The following SBNO2 variants were observed in gnomAD, a reference collection of about 807,000 sequenced individuals.
The protein encoded by SBNO2 is strawberry notch homolog 2.
SBNO2 carries 89 observed loss-of-function variants against 146.3 expected under a neutral mutation model. The observed-to-expected ratio is 0.61, with a 90% confidence interval of 0.51 to 0.73. SBNO2 has a LOEUF of 0.73. SBNO2 is among the 30% of genes least tolerant of loss of function. SBNO2 has a pLI of 0.00. For missense variants in SBNO2, 2,092 were observed against 2,003.7 expected, an observed-to-expected ratio of 1.04 and a Z score of -0.84; for synonymous variants, 1,147 against 892.6, an observed-to-expected ratio of 1.29 and a Z score of -5.08.
At chr19:1,118,899 C>T (rs1451751020) in intron 14 of SBNO2, 112 bp downstream of exon 14, 1 of 1,123,558 alleles carries the variant, frequency 8.9e-7, no homozygotes, top group Admixed American at 2.6e-5. Flanking sequence ...AACCCCAGGA[C>T]AGGACAGGGC....
intron 4 of SBNO2, among the ~76,000 whole-genome samples, chr19:1,138,577 G>A (rs79035493): frequency 0.01 from 1,558 of 152,170 alleles, 19 homozygotes; most frequent in African/African-American, 0.036. Flanking sequence ...TGCTCACGGC[G>A]GCACAACTCA....
intron 1 of SBNO2, chr19:1,168,941 A>G (rs2080451568): frequency 6.6e-6 from 1 of 152,260 alleles, no homozygotes; most frequent in Admixed American, 6.5e-5. Flanking sequence ...AGGAAACGCG[A>G]GTGAGCCGCC....
rs759537901 is a variant in SBNO2 at position 1,108,956 on chromosome 19, G to A, written c.3439C>T (p.Arg1147Trp). The change falls in exon 31 of 32, where the codon CGG (arginine) becomes TGG (tryptophan). Residue 1147 changes from arginine to tryptophan, a missense_variant. Physicochemically the swap from Arg to Trp is moderately radical, Grantham distance 101. Transcript: ENST00000361757. ...CAGTCCTTACCCTCCTGCGCCAGCCGGCAGTGCCGGTTCCTGCGGACGAGA... is the reference window on the plus strand; with the variant it reads ...CAGTCCTTACCCTCCTGCGCCAGCCAGCAGTGCCGGTTCCTGCGGACGAGA... ...CSHSAWNRHC[R>W]LAQEGKDCLQ... The A allele has an allele frequency of 6.5e-6, 10 of 1,541,996 alleles. No individual in the cohort carries two copies. Among genetic ancestry groups the A allele is most frequent in the Non-Finnish European group, 8.7e-6 (10 of 1,150,214 alleles).
rs957715244 is a variant in SBNO2 at position 1,157,797 on chromosome 19, G to A, written c.-126-3395C>T. Among the ~76,000 whole-genome samples the A allele has an allele frequency of 6.6e-6, 1 of 150,884 alleles. No homozygotes were observed. Among genetic ancestry groups the A allele is most frequent in the Non-Finnish European group, 1.5e-5 (1 of 67,976 alleles). On this transcript the variant is annotated intron_variant, in intron 1 of 31. Transcript: ENST00000361757. This position sits in a 1 kb window ranked among gnomAD's most constrained non-coding sequence, Gnocchi z 6.8. ...AGAATCCGAGGAACCGGGTAACTGT[G>A]TCCGCCTCCCAGCTCTCTCCTGAGT...
rs1323658952 is a variant in SBNO2 at position 1,117,208 on chromosome 19, C to T, written c.1704+115G>A. 1.3e-5 allele frequency: 14 copies of T among 1,105,844 alleles called. No homozygotes were observed. In the Admixed American group the frequency reaches 2.2e-4, roughly 18 times the overall value. 68.5% of individuals were successfully genotyped at this position (1,105,844 alleles called of 1,614,324 possible). On this transcript the variant is annotated intron_variant, in intron 15 of 31. Transcript: ENST00000361757. ...GGACATCCGGGCGTCTCTCACCCAC[C>T]AGGGTGCAGCCCCCGCCCACGTCTG...
chr19:1,115,733 G>T, intron 17 of SBNO2: 1 of 523,822 alleles, frequency 1.9e-6, no homozygotes, highest in East Asian at 3.5e-5. Context: ...GAAGGTGGGA[G>T]GGGTCTCGCT....
chr19:1,143,432 G>A (rs191512697), intron 4 of SBNO2, among the ~76,000 whole-genome samples: 183 of 152,218 alleles, frequency 1.2e-3, no homozygotes, highest in African/African-American at 4.1e-3. Flanking sequence ...AGATTGCACC[G>A]CTGCACTCCA....
chr19:1,110,535 C>A lies in SBNO2; in HGVS notation c.3028+210G>T, dbSNP rs954026088. Among the ~76,000 whole-genome samples, 1 of 150,398 alleles carries A rather than the reference C, an allele frequency of 6.6e-6. No individual in the cohort carries two copies. Among genetic ancestry groups the A allele is most frequent in the South Asian group, 2.1e-4 (1 of 4,740 alleles). On this transcript the variant is annotated intron_variant, in intron 26 of 31. Coordinates refer to ENST00000361757, the MANE Select transcript of SBNO2 (RefSeq NM_014963.3). This position sits in a 1 kb window ranked among gnomAD's most constrained non-coding sequence, Gnocchi z 4.9. ...CCTCGCCGTGCTCACCCACAATGCA[C>A]GGTGTTCCCACGAGCCCCGAGCCCA...
At chr19:1,115,155 C>T (rs960197939) in intron 17 of SBNO2, among the ~76,000 whole-genome samples, 22 of 152,102 alleles carry the variant, frequency 1.4e-4, no homozygotes, top group Admixed American at 3.9e-4. Flanking sequence ...GTCTCAAACT[C>T]CTGGCCTCAG....
intron 4 of SBNO2, chr19:1,131,994 G>A: frequency 1.1e-6 from 1 of 896,108 alleles, no homozygotes; most frequent in Admixed American, 3.6e-5. Context: ...TGAGATGCCG[G>A]CTGCTCCGGC....
chr19:1,109,070 C>A lies in SBNO2; in HGVS notation c.3425+65G>T. 2 of 1,528,644 alleles carry A rather than the reference C, an allele frequency of 1.3e-6. No homozygotes were observed. Among genetic ancestry groups the A allele is most frequent in the Non-Finnish European group, 1.8e-6 (2 of 1,137,444 alleles). 94.7% of individuals were successfully genotyped at this position (1,528,644 alleles called of 1,614,324 possible). ...CCGCCTCCTCTCAGGGTCTCGGGAG[C>A]CCCCGATCCCCGCCTGGGTCGCCGC... is the stretch of plus-strand genomic sequence containing the variant. On this transcript the variant is annotated intron_variant, in intron 30 of 31. Transcript: ENST00000361757. This position sits in a 1 kb window ranked among gnomAD's most constrained non-coding sequence, Gnocchi z 4.2.
intron 8 of SBNO2, 24 bp from the exon 9 acceptor site, chr19:1,122,815 G>C: frequency 6.5e-7 from 1 of 1,538,000 alleles, no homozygotes; most frequent in Non-Finnish European, 8.7e-7. Flanking sequence ...GCAGGCGTCA[G>C]GGCCTGGGGG....
chr19:1,149,252 T>C, intron 3 of SBNO2, 117 bp downstream of exon 3: 1 of 950,926 alleles, frequency 1.1e-6, no homozygotes, highest in Non-Finnish European at 1.6e-6. Flanking sequence ...CACACCACCC[T>C]CCAAACCCCT....
Position 1,110,600 on chromosome 19 carries a change from C to G in SBNO2, c.3028+145G>C, listed in dbSNP as rs888087845. 107 of 987,614 alleles carry G rather than the reference C, an allele frequency of 1.1e-4. No individual in the cohort carries two copies. The Admixed American group carries it at 1.6e-3, about 15-fold the overall frequency. 61.2% of individuals were successfully genotyped at this position (987,614 alleles called of 1,614,324 possible). On this transcript the variant is annotated intron_variant, in intron 26 of 31. Coordinates refer to ENST00000361757, the MANE Select transcript of SBNO2 (RefSeq NM_014963.3). The surrounding 1 kb of genome is among the most constrained non-coding windows in gnomAD (Gnocchi z 4.9). ...CGTTCCCACGAGCCCCTCGCCCACC[C>G]GGGATGCACGGTGTTCCCACGAGCC...
At chr19:1,167,653 A>G (rs1234864376) in intron 1 of SBNO2, among the ~76,000 whole-genome samples, 6 of 152,176 alleles carry the variant, frequency 3.9e-5, no homozygotes, top group African/African-American at 1.4e-4. Context: ...CCGGGACCCG[A>G]GGAATCCAGG....
chr19:1,153,213 A>C (rs898692998), intron 2 of SBNO2, among the ~76,000 whole-genome samples: 7 of 150,634 alleles, frequency 4.6e-5, no homozygotes, highest in African/African-American at 1.5e-4. Flanking sequence ...ATATATATAC[A>C]CGTTTATATA....
At chr19:1,155,899 C>G (rs1238178840) in intron 1 of SBNO2, among the ~76,000 whole-genome samples, 1 of 152,210 alleles carries the variant, frequency 6.6e-6, no homozygotes, top group Non-Finnish European at 1.5e-5. Context: ...CTGTCAGCAC[C>G]CCTTCCTGCT....
chr19:1,121,131 C>T (rs8103731), intron 11 of SBNO2, among the ~76,000 whole-genome samples: 11,591 of 151,872 alleles, frequency 0.076, 1,517 homozygotes, highest in African/African-American at 0.26. Flanking sequence ...CCTCGTGATT[C>T]GCCTGCCTCG....
In SBNO2 at chr19:1,112,529, G is replaced by T; in HGVS notation, c.2388C>A (p.Ala796=). 6.2e-7 allele frequency: 1 copy of T among 1,601,402 alleles called. No homozygotes were observed. The highest frequency in any genetic ancestry group is 1.7e-5 in the Admixed American group (1 of 59,460). The change falls in exon 21 of 32, where the codon GCC becomes GCA. Residue 796 remains alanine, a synonymous_variant. Coordinates refer to ENST00000361757, the MANE Select transcript of SBNO2 (RefSeq NM_014963.3). This position sits in a 1 kb window ranked among gnomAD's most constrained non-coding sequence, Gnocchi z 5.9. ...CCGAGCTGGAGGCCTCCGAGATGAT[G>T]GCCACGAGCTAGGGGGAAAGAAGGG... ...QRFMSGEKLV[A]IISEASSSGV...
Sources: allele counts gnomAD v4.1 joint callset (sites outside exome capture counted in the v4.1 genomes callset), GRCh38; gene constraint gnomAD v4.1.1; non-coding constraint Gnocchi (gnomAD v3.1); transcripts MANE v1.5; gene names NCBI Gene and HGNC (gene_info 2026-07-23, HGNC 2026-07-21).